The following CFAP221 variants were observed in gnomAD, a reference collection of about 807,000 sequenced individuals.
CFAP221 encodes the protein cilia and flagella associated protein 221.
CFAP221 carries 97 observed loss-of-function variants against 113.1 expected under a neutral mutation model. The observed-to-expected ratio is 0.86, with a 90% CI of 0.73 to 1.02. CFAP221 has a LOEUF of 1.02. Ranked by LOEUF, CFAP221 falls within the 50% of genes least tolerant of loss-of-function variation. The pLI is 0.00. For synonymous variants in CFAP221, 331 were observed against 354.4 expected (o/e 0.93, Z 0.74); for missense variants, 1,025 against 1,013.4 (o/e 1.01, Z -0.16).
intron 15 of CFAP221, among the ~76,000 whole-genome samples, chr2:119,626,386 G>C (rs967443092): frequency 6.6e-6 from 1 of 152,094 alleles, no homozygotes; most frequent in South Asian, 2.1e-4. Context: ...CTCTGTGCCA[G>C]GTTTGGCTGA....
At chr2:119,568,705 G>A (rs1211003757) in intron 6 of CFAP221, among the ~76,000 whole-genome samples, 2 of 152,124 alleles carry the variant, frequency 1.3e-5, no homozygotes, top group Admixed American at 6.5e-5. Flanking sequence ...ATTCCATGGT[G>A]TATACGTACC....
intron 20 of CFAP221, 50 bp downstream of exon 20, chr2:119,638,467 G>C: frequency 3.1e-6 from 5 of 1,604,608 alleles, no homozygotes; most frequent in Non-Finnish European, 4.3e-6. Flanking sequence ...GCTGCAGGGA[G>C]GGGCAGGGGA....
intron 20 of CFAP221, among the ~76,000 whole-genome samples, 194 bp downstream of exon 20, chr2:119,638,611 C>T (rs1687266793): frequency 6.6e-6 from 1 of 152,184 alleles, no homozygotes; most frequent in Non-Finnish European, 1.5e-5. Flanking sequence ...CTTGTCCTGA[C>T]CACACCTGCC....
At chr2:119,636,856 T>C (rs985321586) in intron 19 of CFAP221, among the ~76,000 whole-genome samples, 1 of 152,042 alleles carries the variant, frequency 6.6e-6, no homozygotes, top group African/African-American at 2.4e-5. Flanking sequence ...ATCTGAAGGA[T>C]GACAACTATG....
At chr2:119,640,628 T>C (rs1687427121) in intron 21 of CFAP221, among the ~76,000 whole-genome samples, 1 of 152,176 alleles carries the variant, frequency 6.6e-6, no homozygotes, top group African/African-American at 2.4e-5. Context: ...CCCAAAATGA[T>C]TATCATCAGC....
chr2:119,628,992 T>C (rs953857712), intron 16 of CFAP221, among the ~76,000 whole-genome samples: 1 of 152,226 alleles, frequency 6.6e-6, no homozygotes, highest in Non-Finnish European at 1.5e-5. Context: ...TCTCTGCTGC[T>C]CAGGGTTATT....
chr2:119,558,480 G>A (rs1680985220), intron 3 of CFAP221, among the ~76,000 whole-genome samples: 1 of 152,200 alleles, frequency 6.6e-6, no homozygotes, highest in African/African-American at 2.4e-5. Flanking sequence ...CACAAAAATT[G>A]TAGTGCTTTA....
At chr2:119,629,770 G>A in intron 16 of CFAP221, 105 bp from the exon 17 acceptor site, 1 of 875,466 alleles carries the variant, frequency 1.1e-6, no homozygotes, top group South Asian at 1.9e-5. Flanking sequence ...GAGTTGCTCT[G>A]AGAGTAGAAC....
At position 119,626,996 on chromosome 2, in the gene CFAP221, C is replaced by CAAA. The variant is rs1449116580; in HGVS notation, c.1517-657_1517-656insAAA. 1.8e-4 allele frequency among the ~76,000 whole-genome samples: 28 copies of CAAA among 151,822 alleles called. 1 individual carries two copies. Among genetic ancestry groups the CAAA allele is most frequent in the Non-Finnish European group, 1.5e-5 (1 of 67,958 alleles). On this transcript the variant is annotated intron_variant, in intron 15 of 23. Coordinates refer to ENST00000413369, the MANE Select transcript of CFAP221 (RefSeq NM_001271049.2). ...CAGCTTGGCTGGGACTGTTGGAGGC[C>CAAA]CACTCTCGGTAGCTTCTGGGAGCCC...
intron 16 of CFAP221, among the ~76,000 whole-genome samples, chr2:119,629,639 C>G (rs144660038): frequency 9.9e-5 from 15 of 152,180 alleles, no homozygotes; most frequent in Non-Finnish European, 2.2e-4. Flanking sequence ...CTGAGTGACA[C>G]GTTGCAGCCT....
chr2:119,648,838 C>A (rs974748688), intron 22 of CFAP221, among the ~76,000 whole-genome samples: 1 of 152,178 alleles, frequency 6.6e-6, no homozygotes. Flanking sequence ...AACTTAGCTG[C>A]TTTACCAAAA....
At chr2:119,587,265 C>A in intron 7 of CFAP221, 43 bp downstream of exon 7, 1 of 1,334,520 alleles carries the variant, frequency 7.5e-7, no homozygotes, top group Middle Eastern at 1.8e-4. Context: ...CAAGAATAAG[C>A]TGCATTCAAA....
chr2:119,632,701 C>A (rs1430673567), intron 19 of CFAP221, among the ~76,000 whole-genome samples: 2,516 of 108,220 alleles, frequency 0.023, no homozygotes, highest in Non-Finnish European at 0.029. Flanking sequence ...TCTTTATTTA[C>A]AAAAAAAAAA....
intron 13 of CFAP221, among the ~76,000 whole-genome samples, chr2:119,613,106 G>T (rs531625223): frequency 3.3e-5 from 5 of 152,354 alleles, no homozygotes; most frequent in African/African-American, 1.2e-4. Flanking sequence ...TTGACTCCAT[G>T]TCTCACATCC....
intron 19 of CFAP221, 56 bp downstream of exon 19, chr2:119,630,957 C>G: frequency 1.3e-6 from 2 of 1,595,710 alleles, no homozygotes; most frequent in Non-Finnish European, 1.7e-6. Flanking sequence ...TCAGCAATTA[C>G]TCTATAGGAA....
At chr2:119,614,601 C>T (rs545668584) in intron 13 of CFAP221, among the ~76,000 whole-genome samples, 119 of 152,260 alleles carry the variant, frequency 7.8e-4, no homozygotes, top group Middle Eastern at 3.4e-3. Flanking sequence ...CTCTTGAGAA[C>T]TAACTCACTA....
At chr2:119,560,567 C>T (rs1681172731) in intron 5 of CFAP221, among the ~76,000 whole-genome samples, 1 of 152,114 alleles carries the variant, frequency 6.6e-6, no homozygotes, top group African/African-American at 2.4e-5. Flanking sequence ...GCCGTCATTC[C>T]TTCTCTTAAA....
At chr2:119,620,608 G>A (rs1221367097) in intron 14 of CFAP221, among the ~76,000 whole-genome samples, 2 of 152,110 alleles carry the variant, frequency 1.3e-5, no homozygotes, top group Non-Finnish European at 2.9e-5. Context: ...ATTTGGAAAG[G>A]AAAATCCGGT....
chr2:119,550,699 A>G (rs572700518), intron 3 of CFAP221, among the ~76,000 whole-genome samples: 3 of 152,352 alleles, frequency 2.0e-5, no homozygotes, highest in East Asian at 1.9e-4. Context: ...AAATTTTATT[A>G]CTTGCTCCTT....
Sources: allele counts gnomAD v4.1 joint callset (sites outside exome capture counted in the v4.1 genomes callset), GRCh38; gene constraint gnomAD v4.1.1; transcripts MANE v1.5; gene names NCBI Gene and HGNC (gene_info 2026-07-23, HGNC 2026-07-21).